The following CNTNAP2 variants were observed in gnomAD, a reference collection of about 807,000 sequenced individuals.
The protein encoded by CNTNAP2 is contactin-associated protein-like 2.
Under a neutral mutation model 155.2 loss-of-function variants are expected in CNTNAP2, and 98 were observed. The ratio of observed to expected loss-of-function variants is 0.63; its 90% CI spans 0.54 to 0.75. The LOEUF is 0.75. Among genes scored for constraint, CNTNAP2 ranks in the 30% least tolerant of loss-of-function variants. CNTNAP2 has a pLI of 0.00. For missense variants in CNTNAP2, 1,727 were observed against 1,688.1 expected (o/e 1.02, Z -0.40); for synonymous variants, 651 against 631.2 (o/e 1.03, Z -0.47).
At chr7:146,544,905 A>G (rs994860163) in intron 1 of CNTNAP2, among the ~76,000 whole-genome samples, 3 of 151,930 alleles carry the variant, frequency 2.0e-5, no homozygotes, top group African/African-American at 7.2e-5. Context: ...AGTAGTATAT[A>G]CTAGAGGACC....
intron 10 of CNTNAP2, among the ~76,000 whole-genome samples, chr7:147,471,548 C>T (rs981818040): frequency 6.6e-6 from 1 of 152,168 alleles, no homozygotes; most frequent in African/African-American, 2.4e-5. Context: ...TAAGTATTGT[C>T]GTGTCTACGA....
At chr7:146,832,950 C>T (rs1192845896) in intron 2 of CNTNAP2, among the ~76,000 whole-genome samples, 1 of 152,090 alleles carries the variant, frequency 6.6e-6, no homozygotes, top group Admixed American at 6.6e-5. Context: ...CCCGCCTCGG[C>T]CTCCCAAACT....
At chr7:146,269,950 GC>G (rs1800053870) in intron 1 of CNTNAP2, among the ~76,000 whole-genome samples, 1 of 152,044 alleles carries the variant, frequency 6.6e-6, no homozygotes, top group Non-Finnish European at 1.5e-5. Flanking sequence ...TCTTTTATAT[GC>G]TGCTGTCTTT....
Position 146,531,334 on chromosome 7 carries a change from A to G in CNTNAP2, c.98-242937A>G, listed in dbSNP as rs145843925. ...AAACCCCTGCGAACAAACAATTTAC[A>G]TATGTAACAAACCTGTACATGTTCC... On this transcript the variant is annotated intron_variant, in intron 1 of 23. Coordinates refer to ENST00000361727, the MANE Select transcript of CNTNAP2 (RefSeq NM_014141.6). 3.9e-5 allele frequency among the ~76,000 whole-genome samples: 6 copies of G among 152,228 alleles called. No homozygotes were observed. In the East Asian group the frequency reaches 1.2e-3, roughly 29 times the overall value.
intron 3 of CNTNAP2, among the ~76,000 whole-genome samples, chr7:146,994,022 A>G (rs1361902555): frequency 6.6e-6 from 1 of 152,138 alleles, no homozygotes; most frequent in Non-Finnish European, 1.5e-5. Context: ...GCTAATCAGG[A>G]GTTGCATTTT....
At chr7:146,904,548 T>G (rs113804763) in intron 3 of CNTNAP2, among the ~76,000 whole-genome samples, 6,579 of 152,228 alleles carry the variant, frequency 0.043, 158 homozygotes, top group South Asian at 0.081. Flanking sequence ...CTCGGCTCAC[T>G]GCAAGCTGCG....
At chr7:147,024,430 C>T (rs542060122) in intron 3 of CNTNAP2, among the ~76,000 whole-genome samples, 10 of 152,112 alleles carry the variant, frequency 6.6e-5, no homozygotes, top group Non-Finnish European at 8.8e-5. Context: ...TGTACCGTAT[C>T]GTGTAGAATG....
chr7:146,502,859 C>G (rs566378877), intron 1 of CNTNAP2, among the ~76,000 whole-genome samples: 1 of 152,174 alleles, frequency 6.6e-6, no homozygotes, highest in Non-Finnish European at 1.5e-5. Flanking sequence ...AAGTGATCTG[C>G]CTGCCTCAGC....
At chr7:147,995,817 T>C (rs925672540) in intron 15 of CNTNAP2, among the ~76,000 whole-genome samples, 3 of 151,952 alleles carry the variant, frequency 2.0e-5, no homozygotes, top group African/African-American at 7.2e-5. Flanking sequence ...CCGGCCTCCC[T>C]GTCCGAATTC....
chr7:147,215,296 C>G (rs775483557), intron 8 of CNTNAP2, among the ~76,000 whole-genome samples: 12 of 152,120 alleles, frequency 7.9e-5, no homozygotes, highest in Non-Finnish European at 1.5e-4. Flanking sequence ...ATAGCCAACA[C>G]TATAGTAGCA....
At chr7:147,597,255 A>T (rs1800841714) in intron 12 of CNTNAP2, among the ~76,000 whole-genome samples, 1 of 152,084 alleles carries the variant, frequency 6.6e-6, no homozygotes, top group African/African-American at 2.4e-5. Flanking sequence ...CCTTTCCAGT[A>T]ACATTTGTAC....
At chr7:146,668,447 TG>T (rs1800238723) in intron 1 of CNTNAP2, among the ~76,000 whole-genome samples, 1 of 149,108 alleles carries the variant, frequency 6.7e-6, no homozygotes, top group African/African-American at 2.5e-5. Context: ...TGTGTGTGTG[TG>T]TGTGTGTGTG....
chr7:146,424,973 C>T (rs10241382), intron 1 of CNTNAP2, among the ~76,000 whole-genome samples: 5,195 of 152,084 alleles, frequency 0.034, 280 homozygotes, highest in African/African-American at 0.12. Flanking sequence ...CAGTGGTCCA[C>T]AATCTAATAC....
intron 1 of CNTNAP2, among the ~76,000 whole-genome samples, chr7:146,336,321 C>T (rs906267918): frequency 2.6e-5 from 4 of 151,874 alleles, no homozygotes; most frequent in Non-Finnish European, 5.9e-5. Context: ...CGGTAATTTA[C>T]TAGAAATGCT....
chr7:148,317,981 C>T (rs186848704), intron 21 of CNTNAP2, among the ~76,000 whole-genome samples: 16 of 151,788 alleles, frequency 1.1e-4, no homozygotes, highest in African/African-American at 2.7e-4. Flanking sequence ...GTGCCCGGCC[C>T]TGCCCTGAGC....
At chr7:147,075,296 G>A (rs149070830) in intron 4 of CNTNAP2, among the ~76,000 whole-genome samples, 6 of 152,118 alleles carry the variant, frequency 3.9e-5, no homozygotes, top group African/African-American at 1.2e-4. Flanking sequence ...CTTATGTGTC[G>A]ATTTAACCTA....
intron 20 of CNTNAP2, among the ~76,000 whole-genome samples, chr7:148,263,676 G>T (rs971095946): frequency 6.6e-6 from 1 of 151,032 alleles, no homozygotes; most frequent in African/African-American, 2.4e-5. Context: ...GGCGGAGCTT[G>T]CAGTGAACCG....
intron 23 of CNTNAP2, among the ~76,000 whole-genome samples, chr7:148,415,063 C>T (rs1799948677): frequency 6.6e-6 from 1 of 152,170 alleles, no homozygotes; most frequent in South Asian, 2.1e-4. Flanking sequence ...GTCCAAAAAT[C>T]GCTGCCAGCC....
At chr7:146,896,861 A>C (rs1258787844) in intron 3 of CNTNAP2, among the ~76,000 whole-genome samples, 3 of 152,096 alleles carry the variant, frequency 2.0e-5, no homozygotes, top group Non-Finnish European at 4.4e-5. Context: ...AAATATTTTT[A>C]ATGATGATTT....
Sources: allele counts gnomAD v4.1 joint callset (sites outside exome capture counted in the v4.1 genomes callset), GRCh38; gene constraint gnomAD v4.1.1; transcripts MANE v1.5; gene names NCBI Gene and HGNC (gene_info 2026-07-23, HGNC 2026-07-21).